Variants in UGT1A10 observed in about 807,000 individuals in gnomAD.
UGT1A10 encodes UDP-glucuronosyltransferase 1A10.
A neutral mutation model predicts 45.8 loss-of-function variants in UGT1A10; 49 were observed. The observed-to-expected ratio is 1.07, with a 90% CI of 0.85 to 1.36. The LOEUF is 1.36. Ranked by LOEUF, UGT1A10 falls within the 40% of genes most tolerant of loss-of-function variation. The pLI is 0.00. For synonymous variants in UGT1A10, 284 were observed against 249.7 expected, an observed-to-expected ratio of 1.14 and a Z score of -1.29; for missense variants, 745 against 668.6, an observed-to-expected ratio of 1.11 and a Z score of -1.26.
intron 1 of UGT1A10, among the ~76,000 whole-genome samples, chr2:233,668,162 C>A (rs529403575): frequency 6.6e-6 from 1 of 151,988 alleles, no homozygotes; most frequent in South Asian, 2.1e-4. Flanking sequence ...CCCATTAACT[C>A]GTCATTTACA....
chr2:233,767,983 AG>A (rs1699537799), intron 3 of UGT1A10, 47 bp downstream of exon 3: 1 of 1,614,082 alleles, frequency 6.2e-7, no homozygotes, highest in African/African-American at 1.3e-5. Context: ...GGTCAAATTA[AG>A]AAAATGGCTT....
At chr2:233,745,164 A>G (rs2125868449) in intron 1 of UGT1A10, among the ~76,000 whole-genome samples, 1 of 151,968 alleles carries the variant, frequency 6.6e-6, no homozygotes, top group South Asian at 2.1e-4. Context: ...TCAAATGTGC[A>G]TGTTATTCAC....
Position 233,769,482 on chromosome 2 carries a change from T to A in UGT1A10, c.1295+1043T>A. On this transcript the variant is annotated intron_variant, in intron 4 of 4. Coordinates refer to ENST00000344644, the MANE Select transcript of UGT1A10 (RefSeq NM_019075.4). The surrounding 1 kb of genome is among the most constrained non-coding windows in gnomAD (Gnocchi z 4.4). Reference sequence around the variant, plus strand: ...TCATATGCGTGTGTGTGTGTGTGCGTGTGTTTATGAGAGTGTCCATTGCTT... The same window carrying A: ...TCATATGCGTGTGTGTGTGTGTGCGAGTGTTTATGAGAGTGTCCATTGCTT... The A allele has an allele frequency of 6.2e-7, 1 of 1,611,750 alleles. No homozygotes were observed.
At chr2:233,647,115 C>A (rs576168360) in intron 1 of UGT1A10, among the ~76,000 whole-genome samples, 119 of 152,248 alleles carry the variant, frequency 7.8e-4, no homozygotes, top group African/African-American at 2.8e-3. Context: ...TTTAAAACCA[C>A]CAGATCTCGT....
intron 1 of UGT1A10, chr2:233,681,781 T>C (rs1344612316): frequency 1.1e-6 from 1 of 931,366 alleles, no homozygotes. Flanking sequence ...TCATGTATTA[T>C]TATGAGTAAA....
rs146693320 is a variant in UGT1A10, at chr2:233,769,441, G to T, written c.1295+1002G>T. The T allele has an allele frequency of 6.5e-7, 1 of 1,546,730 alleles. No homozygotes were observed. Among genetic ancestry groups the T allele is most frequent in the East Asian group, 2.3e-5 (1 of 44,376 alleles). ...TGCATGTGGCTGTGCTCATGTGTGGGTGCACACGTGTGCATTCATATGCGT... is the reference window on the plus strand; with the variant it reads ...TGCATGTGGCTGTGCTCATGTGTGGTTGCACACGTGTGCATTCATATGCGT... On this transcript the variant is annotated intron_variant, in intron 4 of 4. Transcript: ENST00000344644. The surrounding 1 kb of genome is among the most constrained non-coding windows in gnomAD (Gnocchi z 4.4).
At chr2:233,760,603 C>T in intron 1 of UGT1A10, 1 of 1,614,202 alleles carries the variant, frequency 6.2e-7, no homozygotes, top group Non-Finnish European at 8.5e-7. Context: ...TGATTCTTTC[C>T]TGCAGCGTGT....
intron 1 of UGT1A10, among the ~76,000 whole-genome samples, chr2:233,758,117 T>C (rs1223094258): frequency 1.3e-5 from 2 of 152,208 alleles, no homozygotes; most frequent in African/African-American, 4.8e-5. Context: ...GCTCACACGT[T>C]CCATAAATAT....
chr2:233,662,577 G>A (rs908533283), intron 1 of UGT1A10, among the ~76,000 whole-genome samples: 6 of 152,112 alleles, frequency 3.9e-5, no homozygotes, highest in Non-Finnish European at 8.8e-5. Flanking sequence ...CATGTTGACT[G>A]TGAATGAGAT....
chr2:233,760,827 A>G lies in UGT1A10; in HGVS notation c.856-6207A>G, dbSNP rs148755655. ...TGCATGCACTGCCATGCAGCCTGGA[A>G]TTTGAGGCTACCCAGTGCCCCAACC... On this transcript the variant is annotated intron_variant, in intron 1 of 4. Transcript: ENST00000344644. 4,073 of 1,613,502 alleles carry G rather than the reference A, an allele frequency of 2.5e-3. 8 individuals carry two copies. The highest frequency in any genetic ancestry group is 3.2e-3 in the Non-Finnish European group (3,736 of 1,179,512).
Position 233,696,288 on chromosome 2 carries a change from G to A in UGT1A10, c.855+58911G>A, listed in dbSNP as rs2075336055. Among the ~76,000 whole-genome samples, 4 of 152,290 alleles carry A rather than the reference G, an allele frequency of 2.6e-5. No individual in the cohort carries two copies. In the South Asian group the frequency reaches 8.3e-4, roughly 32 times the overall value. On this transcript the variant is annotated intron_variant, in intron 1 of 4. Transcript: ENST00000344644. ...GAATGGATAAAGAAAACGTAGGACTGTAATATCGTGAAATATATATTTGGT... is the reference window on the plus strand; with the variant it reads ...GAATGGATAAAGAAAACGTAGGACTATAATATCGTGAAATATATATTTGGT...
chr2:233,637,515 G>C, intron 1 of UGT1A10, 138 bp downstream of exon 1: 1 of 1,464,734 alleles, frequency 6.8e-7, no homozygotes, highest in Non-Finnish European at 9.0e-7. Flanking sequence ...TATTTTGTGC[G>C]AATTCATGTA....
At chr2:233,678,506 C>A (rs892905431) in intron 1 of UGT1A10, among the ~76,000 whole-genome samples, 1 of 152,070 alleles carries the variant, frequency 6.6e-6, no homozygotes, top group Admixed American at 6.6e-5. Flanking sequence ...GGAAATACAT[C>A]ATAATTACTG....
intron 1 of UGT1A10, among the ~76,000 whole-genome samples, chr2:233,640,775 C>G (rs553774643): frequency 2.0e-5 from 3 of 152,258 alleles, no homozygotes; most frequent in East Asian, 3.9e-4. Flanking sequence ...CAACTCTATA[C>G]CCTTGGTCAG....
At chr2:233,643,531 A>T (rs2073515833) in intron 1 of UGT1A10, among the ~76,000 whole-genome samples, 1 of 152,016 alleles carries the variant, frequency 6.6e-6, no homozygotes, top group Non-Finnish European at 1.5e-5. Context: ...AGCCCTCTTG[A>T]TGCTCTATCC....
At chr2:233,690,395 C>T in intron 1 of UGT1A10, 2 of 1,127,238 alleles carry the variant, frequency 1.8e-6, no homozygotes, top group Non-Finnish European at 2.3e-6. Context: ...CCAGACCTTC[C>T]TATTCCCAAC....
In UGT1A10 at chr2:233,690,756, GACATACACACACACACACATAC is replaced by G. The variant is rs2075007528; in HGVS notation, c.855+53383_855+53404del. The G allele has an allele frequency of 2.1e-5, 23 of 1,106,914 alleles. No individual in the cohort carries two copies. The South Asian group carries it at 3.4e-4, about 16-fold the overall frequency. 68.6% of individuals were successfully genotyped at this position (1,106,914 alleles called of 1,614,324 possible). A position where few individuals can be genotyped will look rare whatever the true frequency, so the allele number is the denominator to read the frequency against. On this transcript the variant is annotated intron_variant, in intron 1 of 4. Coordinates refer to ENST00000344644, the MANE Select transcript of UGT1A10 (RefSeq NM_019075.4). Reference sequence around the variant, plus strand: ...ATTCCTCTGGCTAGTGTCCAGTGCAGACATACACACACACACACATACACACACACACACACACACACACCAT... The same window carrying G: ...ATTCCTCTGGCTAGTGTCCAGTGCAGACACACACACACACACACACACCAT...
chr2:233,681,312 T>C (rs1339114161), intron 1 of UGT1A10, among the ~76,000 whole-genome samples: 2 of 151,946 alleles, frequency 1.3e-5, no homozygotes, highest in African/African-American at 2.4e-5. Flanking sequence ...GATGGGCAGA[T>C]TGCCTGAGCT....
At chr2:233,690,816 C>T (rs1482540145) in intron 1 of UGT1A10, 2 of 1,075,496 alleles carry the variant, frequency 1.9e-6, no homozygotes, top group African/African-American at 3.4e-5. Flanking sequence ...TTAGTACAGT[C>T]AAAGCTCACA....
Sources: allele counts gnomAD v4.1 joint callset (sites outside exome capture counted in the v4.1 genomes callset), GRCh38; gene constraint gnomAD v4.1.1; non-coding constraint Gnocchi (gnomAD v3.1); transcripts MANE v1.5; gene names NCBI Gene and HGNC (gene_info 2026-07-23, HGNC 2026-07-21).